Variants in DEDD observed in about 807,000 individuals in gnomAD.
DEDD encodes the protein death effector domain containing, also known as death effector domain-containing protein.
Under a neutral mutation model 29.2 loss-of-function variants are expected in DEDD, and 3 were observed. That is an observed-to-expected ratio of 0.10 (90% CI 0.05 to 0.27). DEDD has a LOEUF of 0.27. Ranked by LOEUF, DEDD falls within the 10% of genes least tolerant of loss-of-function variation. The pLI, the probability that DEDD is intolerant of heterozygous loss-of-function variation, is 1.00. For synonymous variants in DEDD, 152 were observed against 161.3 expected (o/e 0.94, Z 0.44); for missense variants, 261 against 420.5 (o/e 0.62, Z 3.32).
intron 2 of DEDD, 155 bp from the exon 3 acceptor site, chr1:161,124,681 GC>G: frequency 9.9e-7 from 1 of 1,014,852 alleles, no homozygotes; most frequent in Non-Finnish European, 1.3e-6. Context: ...ATAAACACTG[GC>G]CAGGCACAGG....
At chr1:161,123,779 G>T (rs1655835417) in intron 4 of DEDD, 60 bp downstream of exon 4, 3 of 1,434,782 alleles carry the variant, frequency 2.1e-6, no homozygotes, top group Non-Finnish European at 2.9e-6. Context: ...CCCAGAATGT[G>T]ATGGGATCAG....
In DEDD at chr1:161,128,420, G is replaced by A. The variant is rs565061832; in HGVS notation, c.-65+2395C>T. ...GTTTGAGATCAGCTTGGACAACATG[G>A]TGAAACCCCATCTCTATGCAAAATA... is the stretch of plus-strand genomic sequence containing the variant. On this transcript the variant is annotated intron_variant, in intron 2 of 5. Coordinates refer to ENST00000368006, the MANE Select transcript of DEDD (RefSeq NM_032998.3). 1.2e-4 allele frequency among the ~76,000 whole-genome samples: 19 copies of A among 152,192 alleles called. 1 individual carries two copies. In the South Asian group the frequency reaches 3.9e-3, roughly 32 times the overall value.
In DEDD at chr1:161,122,649, C is replaced by G; in HGVS notation, c.581-126G>C. On this transcript the variant is annotated intron_variant, in intron 5 of 5. Coordinates refer to ENST00000368006, the MANE Select transcript of DEDD (RefSeq NM_032998.3). The surrounding 1 kb of genome is among the most constrained non-coding windows in gnomAD (Gnocchi z 4.2). ...GGAATATCACCTGACAGCTTCTCTA[C>G]CTCTTCCCCAGGACTATTTCTATGT... is the stretch of plus-strand genomic sequence containing the variant. The G allele has an allele frequency of 8.1e-7, 1 of 1,227,060 alleles. No homozygotes were observed. Among genetic ancestry groups the G allele is most frequent in the East Asian group, 2.4e-5 (1 of 42,166 alleles). 76.0% of individuals were successfully genotyped at this position (1,227,060 alleles called of 1,614,324 possible).
chr1:161,123,516 GT>G (rs1396765453), intron 4 of DEDD, among the ~76,000 whole-genome samples: 1 of 151,812 alleles, frequency 6.6e-6, no homozygotes, highest in Non-Finnish European at 1.5e-5. Context: ...GGCGCCTGTA[GT>G]CCCAGCTACT....
In DEDD at chr1:161,122,721, C is replaced by G. The variant is rs77007275; in HGVS notation, c.581-198G>C. On this transcript the variant is annotated intron_variant, in intron 5 of 5. Coordinates refer to ENST00000368006, the MANE Select transcript of DEDD (RefSeq NM_032998.3). This position sits in a 1 kb window ranked among gnomAD's most constrained non-coding sequence, Gnocchi z 4.2. Reference sequence around the variant, plus strand: ...ATGCAGGAGGTTCCCTTAAACGGGACATGCCGAGGTCAGCACTGTTCCCAT... The same window carrying G: ...ATGCAGGAGGTTCCCTTAAACGGGAGATGCCGAGGTCAGCACTGTTCCCAT... 1.3e-3 allele frequency among the ~76,000 whole-genome samples: 193 copies of G among 152,324 alleles called. No individual in the cohort carries two copies. The highest frequency in any genetic ancestry group is 4.2e-3 in the African/African-American group (176 of 41,578).
rs753218307 is a variant in DEDD, at chr1:161,123,906, T to G, written c.366A>C (p.Ser122=). The change falls in exon 4 of 6, where the codon TCA becomes TCC. Residue 122 remains serine, a synonymous_variant. Transcript: ENST00000368006. ...DLVDKYLEET[S]IRYVTPRALS... ...GGGCTCTGGGGGTCACATAGCGAAT[T>G]GATGTCTCCTCCAGATACTTGTCTA... The G allele has an allele frequency of 1.2e-6, 2 of 1,613,942 alleles. No individual in the cohort carries two copies. Among genetic ancestry groups the G allele is most frequent in the Admixed American group, 1.7e-5 (1 of 59,998 alleles).
chr1:161,122,001 C>A lies in DEDD; in HGVS notation c.*146G>T, dbSNP rs1360348779. 39 of 1,115,320 alleles carry A rather than the reference C, an allele frequency of 3.5e-5. No homozygotes were observed. Among genetic ancestry groups the A allele is most frequent in the East Asian group, 2.7e-4 (11 of 41,198 alleles). 69.1% of individuals were successfully genotyped at this position (1,115,320 alleles called of 1,614,324 possible). ...CAGGGAGGGGTGGGGAATACCACTT[C>A]CACTTTCTTTTGTCTTTTTCTTTAA... On this transcript the variant is annotated 3_prime_UTR_variant, in exon 6 of 6. Coordinates refer to ENST00000368006, the MANE Select transcript of DEDD (RefSeq NM_032998.3). This position sits in a 1 kb window ranked among gnomAD's most constrained non-coding sequence, Gnocchi z 4.2.
In DEDD at chr1:161,122,025, A is replaced by G. The variant is rs1220855582; in HGVS notation, c.*122T>C. On this transcript the variant is annotated 3_prime_UTR_variant, in exon 6 of 6. Transcript: ENST00000368006. The surrounding 1 kb of genome is among the most constrained non-coding windows in gnomAD (Gnocchi z 4.2). ...TCCACTTTCTTTTGTCTTTTTCTTT[A>G]AAAAAAAAAAAAAAAAGGCAGGGGT... 2 of 187,922 alleles carry G rather than the reference A, an allele frequency of 1.1e-5. No individual in the cohort carries two copies. The highest frequency in any genetic ancestry group is 1.4e-4 in the South Asian group (1 of 7,306). The allele number at this position is 187,922 out of a possible 1,614,324, so 11.6% of individuals were successfully genotyped here. A position where few individuals can be genotyped will look rare whatever the true frequency, so the allele number is the denominator to read the frequency against.
At chr1:161,123,325 C>T in intron 4 of DEDD, 104 bp from the exon 5 acceptor site, 1 of 1,160,166 alleles carries the variant, frequency 8.6e-7, no homozygotes, top group Non-Finnish European at 1.2e-6. Flanking sequence ...GCACTAAAAG[C>T]AGTGGAAAAA....
In DEDD at chr1:161,124,504, C is replaced by T. The variant is rs370758739; in HGVS notation, c.-42G>A. On this transcript the variant is annotated 5_prime_UTR_variant, in exon 3 of 6. The change abolishes the stop of an existing upstream ORF in the 5' untranslated region. Transcript: ENST00000368006. ...CGCAATGCTTTCCAGAATCCCTGCTCAGCAGCTGCAATCCCCACCGTACTG... is the reference window on the plus strand; with the variant it reads ...CGCAATGCTTTCCAGAATCCCTGCTTAGCAGCTGCAATCCCCACCGTACTG... The T allele has an allele frequency of 9.8e-5, 154 of 1,566,254 alleles. No homozygotes were observed. In the Admixed American group the frequency reaches 1.1e-3, roughly 11 times the overall value.
intron 2 of DEDD, among the ~76,000 whole-genome samples, chr1:161,130,175 G>A (rs1656548646): frequency 6.6e-6 from 1 of 152,166 alleles, no homozygotes; most frequent in Non-Finnish European, 1.5e-5. Flanking sequence ...TTTCTGAACA[G>A]GGATGATATT....
rs1298209966 is a variant in DEDD, at chr1:161,132,657, G to A, written c.-204C>T. 1 of 167,694 alleles carries A rather than the reference G, an allele frequency of 6.0e-6. No homozygotes were observed. The highest frequency in any genetic ancestry group is 1.2e-5 in the Non-Finnish European group (1 of 80,380). The allele number at this position is 167,694 out of a possible 1,614,324, so 10.4% of individuals were successfully genotyped here. A position where few individuals can be genotyped will look rare whatever the true frequency, so the allele number is the denominator to read the frequency against. The stretch of plus-strand genomic sequence containing the variant: ...TCCAGCAGCCGCCGCCGCCGCCGCC[G>A]CCGCGGCCGTGGGGGAGGGGACAGG... On this transcript the variant is annotated 5_prime_UTR_variant, in exon 1 of 6. Coordinates refer to ENST00000368006, the MANE Select transcript of DEDD (RefSeq NM_032998.3).
At chr1:161,124,940 A>AC (rs1656003412) in intron 2 of DEDD, 1 of 157,406 alleles carries the variant, frequency 6.4e-6, no homozygotes, top group East Asian at 1.9e-4. Context: ...TACAAAAAAG[A>AC]AAAAAATTAG....
rs1223163228 is a variant in DEDD, at chr1:161,121,259, A to G, written c.*888T>C. ...GCGTAGGAGTGGAGGAGGGGGAAGG[A>G]AAAAGGAATTACTTCACTTACACCT... On this transcript the variant is annotated 3_prime_UTR_variant, in exon 6 of 6. Coordinates refer to ENST00000368006, the MANE Select transcript of DEDD (RefSeq NM_032998.3). 3 of 876,780 alleles carry G rather than the reference A, an allele frequency of 3.4e-6. No individual in the cohort carries two copies. Among genetic ancestry groups the G allele is most frequent in the Non-Finnish European group, 4.1e-6 (3 of 728,492 alleles). 54.3% of individuals were successfully genotyped at this position (876,780 alleles called of 1,614,324 possible).
At chr1:161,126,098 T>C (rs1412862652) in intron 2 of DEDD, among the ~76,000 whole-genome samples, 1 of 152,192 alleles carries the variant, frequency 6.6e-6, no homozygotes, top group African/African-American at 2.4e-5. Flanking sequence ...TTAATGCTAC[T>C]TCTAGATATT....
chr1:161,127,491 A>T (rs1656293516), intron 2 of DEDD, among the ~76,000 whole-genome samples: 1 of 152,232 alleles, frequency 6.6e-6, no homozygotes, highest in African/African-American at 2.4e-5. Context: ...TGAAAAACTA[A>T]AATGAAAGCA....
chr1:161,130,213 T>C (rs1272966678), intron 2 of DEDD, among the ~76,000 whole-genome samples: 1 of 152,212 alleles, frequency 6.6e-6, no homozygotes, highest in Admixed American at 6.5e-5. Context: ...AAGAGATATC[T>C]GACTCTCTCA....
At chr1:161,124,011 C>T in intron 3 of DEDD, 65 bp from the exon 4 acceptor site, 1 of 1,589,990 alleles carries the variant, frequency 6.3e-7, no homozygotes, top group East Asian at 2.2e-5. Context: ...TCCAAACCCC[C>T]AGTGGGCCTC....
intron 1 of DEDD, 105 bp downstream of exon 1, chr1:161,132,446 C>G (rs1390028252): frequency 6.5e-6 from 1 of 154,982 alleles, no homozygotes; most frequent in East Asian, 1.9e-4. Flanking sequence ...ACGTCGCCAC[C>G]GCCTCCCCCT....
Sources: allele counts gnomAD v4.1 joint callset (sites outside exome capture counted in the v4.1 genomes callset), GRCh38; gene constraint gnomAD v4.1.1; non-coding constraint Gnocchi (gnomAD v3.1); transcripts MANE v1.5; gene names NCBI Gene and HGNC (gene_info 2026-07-23, HGNC 2026-07-21).